PLD5: variants seen among roughly 807,000 people sequenced by gnomAD.
The protein encoded by PLD5 is phospholipase D family member 5.
Under a neutral mutation model 61.1 loss-of-function variants are expected in PLD5, and 36 were observed. The observed-to-expected ratio is 0.59, with a 90% CI of 0.45 to 0.78. The LOEUF is 0.78. Ranked by LOEUF, PLD5 falls within the 30% of genes least tolerant of loss-of-function variation. PLD5 has a pLI of 0.00. For synonymous variants in PLD5, 243 were observed against 242.8 expected, an observed-to-expected ratio of 1.00 and a Z score of -0.01; for missense variants, 515 against 644.4, an observed-to-expected ratio of 0.80 and a Z score of 2.17.
In PLD5 at chr1:242,166,743, T is replaced by G. The variant is rs78679449; in HGVS notation, c.736-42078A>C. On this transcript the variant is annotated intron_variant, in intron 5 of 9. Transcript: ENST00000536534. ...CTAACTAATTCACATATGTGATATCTCCTACATTTTACTTGAAGTTACTGA... is the reference window on the plus strand; with the variant it reads ...CTAACTAATTCACATATGTGATATCGCCTACATTTTACTTGAAGTTACTGA... Among the ~76,000 whole-genome samples, 298 of 152,340 alleles carry G rather than the reference T, an allele frequency of 2.0e-3. 8 individuals carry two copies. The East Asian group carries it at 0.048, about 25-fold the overall frequency.
upstream of PLD5, among the ~76,000 whole-genome samples, chr1:242,527,199 C>T (rs1027178697): frequency 2.2e-5 from 3 of 136,966 alleles, no homozygotes; most frequent in Non-Finnish European, 4.6e-5. Flanking sequence ...GGTTCCATCT[C>T]GGCTCACTGC....
At chr1:242,519,607 G>A (rs1177020980) in intron 1 of PLD5, among the ~76,000 whole-genome samples, 1 of 152,250 alleles carries the variant, frequency 6.6e-6, no homozygotes, top group African/African-American at 2.4e-5. Context: ...AAGCTGGGAA[G>A]AGAAGCAGAG....
intron 1 of PLD5, among the ~76,000 whole-genome samples, chr1:242,394,998 T>TATATATGTATATATGA (rs1663437444): frequency 8.0e-5 from 5 of 62,298 alleles, no homozygotes; most frequent in African/African-American, 2.8e-4. Flanking sequence ...AATATATATG[T>TATATATGTATATATGA]ATATATGAAT....
intron 5 of PLD5, among the ~76,000 whole-genome samples, chr1:242,181,185 C>T (rs750302465): frequency 1.3e-5 from 2 of 152,052 alleles, no homozygotes; most frequent in African/African-American, 2.4e-5. Flanking sequence ...TTCAATAGGT[C>T]GGAGGTAGGG....
intron 2 of PLD5, among the ~76,000 whole-genome samples, chr1:242,293,184 A>C (rs1675466598): frequency 6.6e-6 from 1 of 152,226 alleles, no homozygotes; most frequent in Non-Finnish European, 1.5e-5. Flanking sequence ...GAAAACATCT[A>C]ATCAATCCTG....
intron 1 of PLD5, among the ~76,000 whole-genome samples, chr1:242,379,619 TA>T (rs60955446): frequency 0.024 from 3,569 of 147,986 alleles, 135 homozygotes; most frequent in African/African-American, 0.083. Context: ...TTTACTACTT[TA>T]AAAAAAAAAA....
At chr1:242,134,495 G>A (rs1463564697) in intron 5 of PLD5, among the ~76,000 whole-genome samples, 1 of 152,178 alleles carries the variant, frequency 6.6e-6, no homozygotes, top group African/African-American at 2.4e-5. Context: ...GCATGGACAA[G>A]TGGATGGAAT....
At chr1:242,288,688 C>T (rs1303743803) in intron 2 of PLD5, among the ~76,000 whole-genome samples, 158 bp from the exon 3 acceptor site, 1 of 152,206 alleles carries the variant, frequency 6.6e-6, no homozygotes, top group Non-Finnish European at 1.5e-5. Flanking sequence ...CAAAAGTCTT[C>T]TTACATTTAA....
chr1:242,093,878 A>G (rs1244693745), intron 9 of PLD5, among the ~76,000 whole-genome samples: 1 of 152,098 alleles, frequency 6.6e-6, no homozygotes, highest in African/African-American at 2.4e-5. Context: ...TATGAAATAT[A>G]GCTTTTTTTT....
intron 4 of PLD5, among the ~76,000 whole-genome samples, chr1:242,241,568 G>A (rs1043200198): frequency 8.6e-5 from 13 of 151,916 alleles, no homozygotes; most frequent in African/African-American, 3.1e-4. Context: ...GACAAATAAG[G>A]TGGTATGCCA....
chr1:242,325,657 G>A (rs1373122459), intron 2 of PLD5, among the ~76,000 whole-genome samples: 1 of 151,904 alleles, frequency 6.6e-6, no homozygotes, highest in Non-Finnish European at 1.5e-5. Context: ...CATGGACTCT[G>A]GTCCTCTACA....
rs141682622 is a variant in PLD5 at position 242,424,951 on chromosome 1, G to A, written c.190-76709C>T. On this transcript the variant is annotated intron_variant, in intron 1 of 9. Coordinates refer to ENST00000536534, the MANE Select transcript of PLD5 (RefSeq NM_001372062.1). Reference sequence around the variant, plus strand: ...GTTCAAGACCAGCCTGGCCAAGATGGTGAAACCTCGTCTGTACTAAAAATA... The same window carrying A: ...GTTCAAGACCAGCCTGGCCAAGATGATGAAACCTCGTCTGTACTAAAAATA... Among the ~76,000 whole-genome samples the A allele has an allele frequency of 5.4e-4, 82 of 152,264 alleles. 1 individual carries two copies. The East Asian group carries it at 0.014, about 27-fold the overall frequency.
chr1:242,216,854 T>G (rs1489245799), intron 5 of PLD5, among the ~76,000 whole-genome samples: 1 of 152,258 alleles, frequency 6.6e-6, no homozygotes, highest in African/African-American at 2.4e-5. Flanking sequence ...TAGGACATGC[T>G]GACTCTGTTA....
chr1:242,191,186 G>A (rs1339129198), intron 5 of PLD5, among the ~76,000 whole-genome samples: 3 of 148,878 alleles, frequency 2.0e-5, no homozygotes, highest in South Asian at 2.1e-4. Flanking sequence ...GCTTTTTTCA[G>A]TTAGGAGTAG....
In PLD5 at chr1:242,413,179, T is replaced by C. The variant is rs565005744; in HGVS notation, c.190-64937A>G. Among the ~76,000 whole-genome samples, 15 of 152,322 alleles carry C rather than the reference T, an allele frequency of 9.8e-5. No homozygotes were observed. The East Asian group carries it at 2.3e-3, about 23-fold the overall frequency. On this transcript the variant is annotated intron_variant, in intron 1 of 9. Coordinates refer to ENST00000536534, the MANE Select transcript of PLD5 (RefSeq NM_001372062.1). Reference sequence around the variant, plus strand: ...TCCAGTTCTGCTTTCTGGAGCTCCATGCTGACACTCTGACCAGCCTTTTCC... The same window carrying C: ...TCCAGTTCTGCTTTCTGGAGCTCCACGCTGACACTCTGACCAGCCTTTTCC...
At chr1:242,316,934 A>G (rs1658041351) in intron 2 of PLD5, among the ~76,000 whole-genome samples, 1 of 151,786 alleles carries the variant, frequency 6.6e-6, no homozygotes, top group African/African-American at 2.4e-5. Flanking sequence ...GACCCTGTAA[A>G]AGACATGATC....
At chr1:242,391,895 A>T (rs750221233) in intron 1 of PLD5, among the ~76,000 whole-genome samples, 8 of 152,236 alleles carry the variant, frequency 5.3e-5, no homozygotes, top group Non-Finnish European at 8.8e-5. Context: ...TGACTCAGCA[A>T]TCCCATTACT....
intron 3 of PLD5, among the ~76,000 whole-genome samples, chr1:242,273,035 C>T (rs1294149028): frequency 3.9e-5 from 6 of 152,130 alleles, no homozygotes; most frequent in East Asian, 1.9e-4. Flanking sequence ...GTTTTAAGGC[C>T]GGCATGCATT....
At chr1:242,222,190 C>G (rs564574699) in intron 4 of PLD5, among the ~76,000 whole-genome samples, 1 of 147,814 alleles carries the variant, frequency 6.8e-6, no homozygotes, top group South Asian at 2.2e-4. Flanking sequence ...TCCCGCCCCC[C>G]ACTACAGTAT....
Sources: gnomAD v4.1 joint callset for allele counts (sites outside exome capture counted in the v4.1 genomes callset) on GRCh38, gnomAD v4.1.1 for gene constraint, MANE v1.5 for transcripts, NCBI Gene and HGNC (gene_info 2026-07-23, HGNC 2026-07-21) for gene names.